The following ARHGAP6 variants were observed in gnomAD, a reference collection of about 807,000 sequenced individuals.
ARHGAP6 encodes the protein Rho GTPase activating protein 6.
A neutral mutation model predicts 55.7 loss-of-function variants in ARHGAP6; 16 were observed. The observed-to-expected ratio is 0.29, with a 90% CI of 0.19 to 0.44. ARHGAP6 has a LOEUF of 0.44. Among genes scored for constraint, ARHGAP6 ranks in the 20% least tolerant of loss-of-function variants. ARHGAP6 has a pLI of 1.00. For synonymous variants in ARHGAP6, 382 were observed against 360.9 expected (o/e 1.06, Z -0.66); for missense variants, 698 against 808.9 (o/e 0.86, Z 1.66).
At chrX:11,612,858 C>T (rs1385784510) in intron 1 of ARHGAP6, among the ~76,000 whole-genome samples, 1 of 112,493 alleles carries the variant, frequency 8.9e-6, no homozygotes, top group African/African-American at 3.2e-5. Flanking sequence ...AGTCCTTCTA[C>T]ATTCTCACTC....
intron 1 of ARHGAP6, among the ~76,000 whole-genome samples, chrX:11,268,751 G>T (rs1054078597): frequency 9.0e-6 from 1 of 111,423 alleles, no homozygotes; most frequent in Non-Finnish European, 1.9e-5. Flanking sequence ...TCTTTGCCTA[G>T]TGTAGTCCCC....
intron 1 of ARHGAP6, among the ~76,000 whole-genome samples, chrX:11,514,714 C>T (rs1257727561): frequency 9.0e-6 from 1 of 111,295 alleles, no homozygotes; most frequent in Non-Finnish European, 1.9e-5. Flanking sequence ...TTAAAGTCCT[C>T]TATGTGATTT....
intron 8 of ARHGAP6, among the ~76,000 whole-genome samples, chrX:11,174,521 C>A (rs2046142359): frequency 2.4e-5 from 1 of 41,224 alleles, no homozygotes; most frequent in Non-Finnish European, 4.4e-5. Flanking sequence ...TTCTTTCTTT[C>A]CTTCCTTCCT....
At chrX:11,354,170 G>C (rs2048896463) in intron 1 of ARHGAP6, among the ~76,000 whole-genome samples, 1 of 108,166 alleles carries the variant, frequency 9.2e-6, no homozygotes, top group Admixed American at 9.9e-5. Flanking sequence ...AAACTAGTTA[G>C]GGTCAGTGAG....
chrX:11,286,960 T>C (rs1217065063), intron 1 of ARHGAP6, among the ~76,000 whole-genome samples: 1 of 112,286 alleles, frequency 8.9e-6, no homozygotes, highest in Admixed American at 9.4e-5. Flanking sequence ...TTTCAGGTGA[T>C]GAAAATGTTC....
chrX:11,157,616 A>G (rs2045880548), intron 9 of ARHGAP6, among the ~76,000 whole-genome samples: 1 of 112,119 alleles, frequency 8.9e-6, no homozygotes, highest in African/African-American at 3.2e-5. Context: ...ACTCAAAACT[A>G]TTGAGAGAAA....
At chrX:11,549,446 T>C (rs1601634969) in intron 1 of ARHGAP6, among the ~76,000 whole-genome samples, 1 of 111,783 alleles carries the variant, frequency 8.9e-6, no homozygotes, top group Admixed American at 9.5e-5. Context: ...CAAAAACAAA[T>C]AGGATCTGAA....
At chrX:11,351,472 G>C (rs2048863174) in intron 1 of ARHGAP6, 10 of 959,132 alleles carry the variant, frequency 1.0e-5, no homozygotes, top group Non-Finnish European at 1.3e-5. Flanking sequence ...GCTAGAGAAG[G>C]ATTCCTCTAG....
At chrX:11,514,070 G>A (rs762426453) in intron 1 of ARHGAP6, among the ~76,000 whole-genome samples, 42 of 101,298 alleles carry the variant, frequency 4.1e-4, no homozygotes, top group Non-Finnish European at 7.9e-4. Flanking sequence ...GCTGAGGCAG[G>A]AGAATTGCTT....
At chrX:11,292,258 T>C (rs1264387203) in intron 1 of ARHGAP6, among the ~76,000 whole-genome samples, 1 of 112,059 alleles carries the variant, frequency 8.9e-6, no homozygotes, top group African/African-American at 3.2e-5. Flanking sequence ...GATCTAATAT[T>C]GATGGACGAC....
At chrX:11,191,602 C>T (rs895014965) in intron 3 of ARHGAP6, among the ~76,000 whole-genome samples, 2 of 111,857 alleles carry the variant, frequency 1.8e-5, no homozygotes, top group Non-Finnish European at 3.8e-5. Flanking sequence ...TACCCCCTCT[C>T]CTTTTGCCAC....
At chrX:11,294,309 C>T (rs371560520) in intron 1 of ARHGAP6, among the ~76,000 whole-genome samples, 2 of 112,084 alleles carry the variant, frequency 1.8e-5, no homozygotes, top group African/African-American at 6.5e-5. Context: ...ATGATTAGTC[C>T]TTGTTTTTAA....
At chrX:11,259,438 T>G (rs762287252) in intron 1 of ARHGAP6, among the ~76,000 whole-genome samples, 14 of 112,123 alleles carry the variant, frequency 1.2e-4, no homozygotes, top group Admixed American at 1.2e-3. Flanking sequence ...TGAGAACCAC[T>G]GAGCTCAAGG....
intron 1 of ARHGAP6, among the ~76,000 whole-genome samples, chrX:11,459,978 G>A (rs2050228657): frequency 8.9e-6 from 1 of 111,913 alleles, no homozygotes; most frequent in Admixed American, 9.5e-5. Flanking sequence ...AGAATTAAAA[G>A]ATGGCCTGCA....
chrX:11,399,591 C>T (rs1375397549), intron 1 of ARHGAP6, among the ~76,000 whole-genome samples: 1 of 111,258 alleles, frequency 9.0e-6, no homozygotes, highest in Non-Finnish European at 1.9e-5. Context: ...GCAGTTTTTG[C>T]CATTGCTTTT....
At chrX:11,290,489 GCAAA>G in intron 1 of ARHGAP6, 1 of 160,920 alleles carries the variant, frequency 6.2e-6, no homozygotes, top group East Asian at 1.5e-4. Flanking sequence ...CTCTACCCCA[GCAAA>G]AAAAAAAAAA....
chrX:11,599,294 T>C (rs1178487467), intron 1 of ARHGAP6, among the ~76,000 whole-genome samples: 1 of 111,597 alleles, frequency 9.0e-6, no homozygotes, highest in Non-Finnish European at 1.9e-5. Context: ...CTGGGTTATA[T>C]GATAGTTCTA....
At chrX:11,293,543 TATAAATGTATTCTACATTTCTA>T (rs1569289072) in intron 1 of ARHGAP6, 1 of 112,157 alleles carries the variant, frequency 8.9e-6, no homozygotes, top group Non-Finnish European at 1.9e-5. Flanking sequence ...TTTTAAAAGA[TATAAATGTATTCTACATTTCTA>T]ATACTATATG....
At chrX:11,285,132 C>A (rs1405015994) in intron 1 of ARHGAP6, among the ~76,000 whole-genome samples, 1 of 107,024 alleles carries the variant, frequency 9.3e-6, no homozygotes, top group Non-Finnish European at 1.9e-5. Context: ...GAGTGGGGAA[C>A]AGATCTTTCC....
Sources: gnomAD v4.1 joint callset for allele counts (sites outside exome capture counted in the v4.1 genomes callset) on GRCh38, gnomAD v4.1.1 for gene constraint, MANE v1.5 for transcripts, NCBI Gene and HGNC (gene_info 2026-07-23, HGNC 2026-07-21) for gene names.